TANGO6: variants seen among roughly 807,000 people sequenced by gnomAD.
The protein encoded by TANGO6 is transport and golgi organization 6 homolog.
TANGO6 carries 90 observed loss-of-function variants against 114.2 expected under a neutral mutation model. The ratio of observed to expected loss-of-function variants is 0.79; its 90% CI spans 0.66 to 0.94. TANGO6 has a LOEUF of 0.94. TANGO6 is among the 40% of genes least tolerant of loss of function. The pLI is 0.00. For missense variants in TANGO6, 1,274 were observed against 1,315.3 expected (o/e 0.97, Z 0.49); for synonymous variants, 477 against 509.8 (o/e 0.94, Z 0.87).
chr16:69,082,089 T>C (rs1241843585), intron 17 of TANGO6, among the ~76,000 whole-genome samples: 1 of 152,114 alleles, frequency 6.6e-6, no homozygotes, highest in Non-Finnish European at 1.5e-5. Flanking sequence ...GTTCAAGTGA[T>C]TCTCCTGCCT....
intron 17 of TANGO6, among the ~76,000 whole-genome samples, chr16:69,060,354 G>C (rs1460541786): frequency 6.6e-6 from 1 of 151,994 alleles, no homozygotes; most frequent in Non-Finnish European, 1.5e-5. Context: ...CTAGCACTTT[G>C]CCCTGTTTAT....
intron 7 of TANGO6, among the ~76,000 whole-genome samples, chr16:68,891,706 C>G (rs573936089): frequency 3.0e-4 from 46 of 152,232 alleles, no homozygotes; most frequent in Admixed American, 1.4e-3. Flanking sequence ...AGTCTGCTCT[C>G]CCTTCCATGG....
intron 7 of TANGO6, among the ~76,000 whole-genome samples, chr16:68,893,250 T>A (rs1962652733): frequency 6.6e-6 from 1 of 152,160 alleles, no homozygotes; most frequent in Non-Finnish European, 1.5e-5. Context: ...GAAAGAGGCC[T>A]TACAGCACCA....
At chr16:69,023,052 C>T in intron 16 of TANGO6, 73 bp downstream of exon 16, 1 of 1,433,756 alleles carries the variant, frequency 7.0e-7, no homozygotes. Flanking sequence ...GATTGGGAGT[C>T]AGGAGACCTG....
intron 15 of TANGO6, among the ~76,000 whole-genome samples, chr16:69,020,579 C>G (rs1034766070): frequency 1.3e-5 from 2 of 152,092 alleles, no homozygotes; most frequent in Non-Finnish European, 2.9e-5. Context: ...CCTGGTAGGA[C>G]AGGTCAGTGA....
chr16:68,887,393 G>T (rs936217459), intron 7 of TANGO6, among the ~76,000 whole-genome samples: 2 of 152,076 alleles, frequency 1.3e-5, no homozygotes, highest in Non-Finnish European at 2.9e-5. Context: ...GACCATAGGA[G>T]AATTCAAAGT....
chr16:68,866,700 G>A (rs1422609483), intron 3 of TANGO6, among the ~76,000 whole-genome samples: 3 of 151,696 alleles, frequency 2.0e-5, no homozygotes, highest in African/African-American at 4.8e-5. Context: ...ACTTTGGGAC[G>A]CTGAGGTGGG....
chr16:68,893,595 G>A (rs573368789), intron 7 of TANGO6, among the ~76,000 whole-genome samples: 2 of 151,910 alleles, frequency 1.3e-5, no homozygotes, highest in South Asian at 4.2e-4. Context: ...AATTAGCCGG[G>A]CGTGGTGGCA....
chr16:68,902,082 C>T (rs1419651316), intron 8 of TANGO6, among the ~76,000 whole-genome samples: 1 of 151,380 alleles, frequency 6.6e-6, no homozygotes, highest in Non-Finnish European at 1.5e-5. Context: ...ACGTGGGGCT[C>T]ATGTGGCAAA....
At chr16:69,046,498 A>G (rs1480481698) in intron 17 of TANGO6, among the ~76,000 whole-genome samples, 1 of 152,014 alleles carries the variant, frequency 6.6e-6, no homozygotes, top group Non-Finnish European at 1.5e-5. Context: ...TTGTATTTTT[A>G]GTAGACAGGT....
rs1960513520 is a variant in TANGO6 at position 69,084,770 on chromosome 16, A to G, written c.*1109A>G. The G allele has an allele frequency of 6.6e-6, 1 of 152,342 alleles. No homozygotes were observed. Among genetic ancestry groups the G allele is most frequent in the Non-Finnish European group, 1.5e-5 (1 of 68,048 alleles). 9.4% of individuals were successfully genotyped at this position (152,342 alleles called of 1,614,324 possible). ...GTACAGAATTTTATCACAGGATTTT[A>G]TCACGCTCTCTGGGGTGACTAGATC... On this transcript the variant is annotated 3_prime_UTR_variant, in exon 18 of 18. Transcript: ENST00000261778.
chr16:69,061,000 C>CA (rs567600846), intron 17 of TANGO6, among the ~76,000 whole-genome samples: 202 of 149,084 alleles, frequency 1.4e-3, no homozygotes, highest in East Asian at 5.1e-3. Flanking sequence ...AAAAAAAAAA[C>CA]AAAAAAAACA....
chr16:68,988,666 ATAGT>A lies in TANGO6; in HGVS notation c.2842+14502_2842+14505del, dbSNP rs570044404. ...TCAATTTAATTTTTGTGTTTGGTGA[ATAGT>A]TAGAGTTTAAGTTCTCTCTCTCTTT... On this transcript the variant is annotated intron_variant, in intron 15 of 17. Coordinates refer to ENST00000261778, the MANE Select transcript of TANGO6 (RefSeq NM_024562.2). Among the ~76,000 whole-genome samples the A allele has an allele frequency of 1.7e-4, 25 of 149,002 alleles. No homozygotes were observed. The East Asian group carries it at 2.1e-3, about 13-fold the overall frequency.
chr16:69,066,624 G>A (rs1960216732), intron 17 of TANGO6, among the ~76,000 whole-genome samples: 1 of 152,052 alleles, frequency 6.6e-6, no homozygotes, highest in Non-Finnish European at 1.5e-5. Flanking sequence ...TTCCTTGGTG[G>A]TAAACCCAAT....
rs1962796638 is a variant in TANGO6 at position 68,902,382 on chromosome 16, G to A, written c.1545G>A (p.Lys515=). 2.1e-5 allele frequency: 34 copies of A among 1,613,390 alleles called. No individual in the cohort carries two copies. The highest frequency in any genetic ancestry group is 2.8e-5 in the Non-Finnish European group (33 of 1,179,738). The part of the protein sequence containing the change: ...LWILGKLERK[K]AIASLKGFAG... ...TTCTGGGGAAGCTGGAAAGGAAGAA[G>A]GCAATTGCCAGCCTGAAAGGATTTG... is the stretch of plus-strand genomic sequence containing the variant. The change falls in exon 9 of 18, where the codon AAG becomes AAA. Residue 515 remains lysine, a synonymous_variant. Transcript: ENST00000261778.
intron 6 of TANGO6, among the ~76,000 whole-genome samples, chr16:68,879,773 CG>C (rs534933471): frequency 3.2e-4 from 49 of 151,228 alleles, no homozygotes; most frequent in African/African-American, 1.1e-3. Context: ...CCCGTCACCA[CG>C]CCCAGCTAAT....
At chr16:68,878,384 C>T in intron 6 of TANGO6, 104 bp downstream of exon 6, 1 of 1,314,674 alleles carries the variant, frequency 7.6e-7, no homozygotes, top group South Asian at 1.9e-5. Flanking sequence ...CTTTAGTTTT[C>T]CTTCCCCTCC....
chr16:69,032,245 G>A (rs971685825), intron 16 of TANGO6, among the ~76,000 whole-genome samples: 2 of 151,950 alleles, frequency 1.3e-5, no homozygotes, highest in South Asian at 2.1e-4. Flanking sequence ...AACTTCATTC[G>A]TTCATTCATT....
In TANGO6 at chr16:69,083,668, C is replaced by G; in HGVS notation, c.*7C>G. ...GATCATGGTCCTGCCGTAGACCTGG[C>G]TCCAAGGACGTGGAGGAGGCAGGCA... On this transcript the variant is annotated 3_prime_UTR_variant, in exon 18 of 18. Transcript: ENST00000261778. 2 of 1,553,536 alleles carry G rather than the reference C, an allele frequency of 1.3e-6. No homozygotes were observed. Among genetic ancestry groups the G allele is most frequent in the Non-Finnish European group, 1.7e-6 (2 of 1,147,960 alleles).
Sources: allele counts gnomAD v4.1 joint callset (sites outside exome capture counted in the v4.1 genomes callset), GRCh38; gene constraint gnomAD v4.1.1; transcripts MANE v1.5; gene names NCBI Gene and HGNC (gene_info 2026-07-23, HGNC 2026-07-21).